Variants in LSAMP observed in about 807,000 individuals in gnomAD.
LSAMP encodes the protein limbic system-associated membrane protein.
A neutral mutation model predicts 38.6 loss-of-function variants in LSAMP; 7 were observed. The ratio of observed to expected loss-of-function variants is 0.18; its 90% CI spans 0.10 to 0.34. The LOEUF (loss-of-function observed/expected upper bound fraction) is 0.34. Ranked by LOEUF, LSAMP falls within the 10% of genes least tolerant of loss-of-function variation. The pLI is 1.00. For synonymous variants in LSAMP, 154 were observed against 166.8 expected, an observed-to-expected ratio of 0.92 and a Z score of 0.59; for missense variants, 313 against 420.0, an observed-to-expected ratio of 0.75 and a Z score of 2.23.
At chr3:116,383,952 A>G (rs545391647) in intron 1 of LSAMP, among the ~76,000 whole-genome samples, 1 of 152,134 alleles carries the variant, frequency 6.6e-6, no homozygotes, top group African/African-American at 2.4e-5. Flanking sequence ...GGTGTCTAAC[A>G]GCTGCAATCT....
chr3:115,898,259 C>A (rs571493836), intron 3 of LSAMP, among the ~76,000 whole-genome samples: 1 of 152,228 alleles, frequency 6.6e-6, no homozygotes, highest in South Asian at 2.1e-4. Flanking sequence ...TATTTTTCAA[C>A]TGTAGGAGTT....
At chr3:115,959,551 G>A (rs1228587314) in intron 3 of LSAMP, among the ~76,000 whole-genome samples, 1 of 152,176 alleles carries the variant, frequency 6.6e-6, no homozygotes, top group Non-Finnish European at 1.5e-5. Flanking sequence ...AAATGTAGTA[G>A]TTCGGAGCAT....
intron 1 of LSAMP, among the ~76,000 whole-genome samples, chr3:116,417,122 C>T (rs1361435497): frequency 2.0e-5 from 3 of 152,130 alleles, no homozygotes; most frequent in African/African-American, 7.2e-5. Flanking sequence ...GTGCATACCT[C>T]AATACTTAAA....
intron 1 of LSAMP, among the ~76,000 whole-genome samples, chr3:116,403,005 T>C (rs1559855753): frequency 6.6e-6 from 1 of 152,198 alleles, no homozygotes; most frequent in Non-Finnish European, 1.5e-5. Context: ...AGTGTTAGCA[T>C]ATAATCCAGA....
intron 1 of LSAMP, among the ~76,000 whole-genome samples, chr3:116,437,398 T>C (rs2049368215): frequency 6.6e-6 from 1 of 151,308 alleles, no homozygotes; most frequent in South Asian, 2.1e-4. Flanking sequence ...CAATAACTTA[T>C]GGAAAAAAAA....
At chr3:116,203,203 C>T (rs577325582) in intron 1 of LSAMP, among the ~76,000 whole-genome samples, 10 of 152,070 alleles carry the variant, frequency 6.6e-5, no homozygotes, top group South Asian at 2.1e-4. Context: ...ATTCCTGATA[C>T]GCAAGGCAAT....
intron 1 of LSAMP, among the ~76,000 whole-genome samples, chr3:116,099,542 T>C (rs1355954980): frequency 6.6e-6 from 1 of 152,222 alleles, no homozygotes; most frequent in Non-Finnish European, 1.5e-5. Context: ...GCAGGAATTA[T>C]ATTGACTAAT....
At chr3:116,410,414 G>C (rs945334148) in intron 1 of LSAMP, among the ~76,000 whole-genome samples, 4 of 152,020 alleles carry the variant, frequency 2.6e-5, no homozygotes, top group Non-Finnish European at 5.9e-5. Flanking sequence ...ATTAGAGGAA[G>C]CTCCATCACC....
intron 6 of LSAMP, chr3:115,816,672 CA>C (rs755124207): frequency 3.2e-6 from 4 of 1,257,792 alleles, no homozygotes; most frequent in East Asian, 5.6e-5. Flanking sequence ...TTAAGCAAAA[CA>C]AAAACAAATA....
chr3:115,844,499 G>A (rs144001928), intron 4 of LSAMP, among the ~76,000 whole-genome samples: 45 of 152,304 alleles, frequency 3.0e-4, no homozygotes, highest in African/African-American at 1.0e-3. Flanking sequence ...TAATGCAATA[G>A]TTGGTAATAG....
intron 1 of LSAMP, among the ~76,000 whole-genome samples, chr3:116,343,340 C>G (rs2048021822): frequency 1.3e-5 from 2 of 152,070 alleles, no homozygotes; most frequent in Admixed American, 6.6e-5. Flanking sequence ...GCAATGCAAA[C>G]AGAGTAAAAA....
At chr3:116,254,272 A>G (rs968330738) in intron 1 of LSAMP, among the ~76,000 whole-genome samples, 4 of 152,174 alleles carry the variant, frequency 2.6e-5, no homozygotes, top group Non-Finnish European at 5.9e-5. Flanking sequence ...TAGTCCATGT[A>G]TTGATTCATG....
intron 1 of LSAMP, among the ~76,000 whole-genome samples, chr3:116,433,953 T>C (rs183726811): frequency 3.3e-4 from 51 of 152,298 alleles, no homozygotes; most frequent in African/African-American, 1.2e-3. Flanking sequence ...TCTGAAGCTT[T>C]GGGATCCTTC....
rs541218363 is a variant in LSAMP, at chr3:115,923,328, T to G, written c.515-70711A>C. 3.2e-4 allele frequency among the ~76,000 whole-genome samples: 49 copies of G among 152,340 alleles called. 1 individual carries two copies. The South Asian group carries it at 7.0e-3, about 22-fold the overall frequency. ...TCTGGGGGTTCTGAGTTGTGTTGGC[T>G]TGTGGCAAAGGCTGATGCATATAAA... On this transcript the variant is annotated intron_variant, in intron 3 of 6. Transcript: ENST00000490035.
chr3:116,120,341 G>C (rs1708847040), intron 1 of LSAMP, among the ~76,000 whole-genome samples: 1 of 152,098 alleles, frequency 6.6e-6, no homozygotes, highest in African/African-American at 2.4e-5. Context: ...GCCAAAATCT[G>C]TAAGAATACA....
chr3:115,864,466 C>T (rs1036534346), intron 3 of LSAMP, among the ~76,000 whole-genome samples: 2 of 152,188 alleles, frequency 1.3e-5, no homozygotes, highest in Non-Finnish European at 2.9e-5. Flanking sequence ...CTAGAAATCT[C>T]TGTGCTTTGG....
chr3:115,907,750 T>G (rs1422952018), intron 3 of LSAMP, among the ~76,000 whole-genome samples: 2 of 152,186 alleles, frequency 1.3e-5, no homozygotes, highest in Non-Finnish European at 2.9e-5. Context: ...GTTTTCATTG[T>G]AATTATTTAG....
At chr3:116,124,589 A>T (rs974153091) in intron 1 of LSAMP, among the ~76,000 whole-genome samples, 3 of 152,232 alleles carry the variant, frequency 2.0e-5, no homozygotes, top group Non-Finnish European at 4.4e-5. Flanking sequence ...CATGTTTTTA[A>T]AAGTAAATTA....
chr3:115,852,719 ATG>A, intron 3 of LSAMP, 102 bp from the exon 4 acceptor site: 1 of 1,165,550 alleles, frequency 8.6e-7, no homozygotes, highest in Non-Finnish European at 1.2e-6. Flanking sequence ...TTTCTTTTCA[ATG>A]ATTTGAAAAT....
Sources: allele counts gnomAD v4.1 joint callset (sites outside exome capture counted in the v4.1 genomes callset), GRCh38; gene constraint gnomAD v4.1.1; transcripts MANE v1.5; gene names NCBI Gene and HGNC (gene_info 2026-07-23, HGNC 2026-07-21).